CDH2: variants seen among roughly 807,000 people sequenced by gnomAD.
CDH2 encodes cadherin 2.
CDH2 carries 17 observed loss-of-function variants against 92.0 expected under a neutral mutation model. The observed-to-expected ratio is 0.18, with a 90% CI of 0.13 to 0.28. The LOEUF (loss-of-function observed/expected upper bound fraction) is 0.28, where lower values mean the gene tolerates loss of function less well. Among genes scored for constraint, CDH2 ranks in the 10% least tolerant of loss-of-function variants. CDH2 has a pLI of 1.00. For synonymous variants in CDH2, 419 were observed against 415.9 expected (o/e 1.01, Z -0.09); for missense variants, 862 against 1,133.1 (o/e 0.76, Z 3.44).
At chr18:28,106,509 T>C (rs1599105390) in intron 2 of CDH2, among the ~76,000 whole-genome samples, 1 of 151,818 alleles carries the variant, frequency 6.6e-6, no homozygotes, top group Admixed American at 6.6e-5. Context: ...GGATGGTTTG[T>C]CTTTATCATC....
chr18:28,045,281 C>A (rs2144115370), intron 2 of CDH2: 1 of 357,354 alleles, frequency 2.8e-6, no homozygotes, highest in Non-Finnish European at 5.5e-6. Context: ...CCTAACTGAG[C>A]TAGTTTGTCC....
intron 2 of CDH2, among the ~76,000 whole-genome samples, chr18:28,027,248 T>C (rs1252909490): frequency 6.6e-6 from 1 of 151,844 alleles, no homozygotes; most frequent in Admixed American, 6.6e-5. Context: ...AACAAGACAG[T>C]AAAATTAGGA....
intron 2 of CDH2, among the ~76,000 whole-genome samples, chr18:28,094,792 T>TG (rs765195383): frequency 6.1e-5 from 5 of 82,386 alleles, no homozygotes; most frequent in Non-Finnish European, 9.0e-5. Flanking sequence ...AGACTCTGTC[T>TG]AAAAAAAAAA....
rs772189650 is a variant in CDH2 at position 28,013,815 on chromosome 18, G to A, written c.267C>T (p.Ala89=). ...FKVDEDGMVY[A]VRSFPLSSEH... ...CAGAAGAGAGTGGAAAGCTTCTCAC[G>A]GCATACACCATGCCATCTTCATCCA... The change falls in exon 3 of 16, where the codon GCC becomes GCT. Residue 89 remains alanine (A), a synonymous_variant. Transcript: ENST00000269141. 16 of 1,613,660 alleles carry A rather than the reference G, an allele frequency of 9.9e-6. No individual in the cohort carries two copies. The highest frequency in any genetic ancestry group is 1.7e-5 in the Admixed American group (1 of 59,968).
intron 15 of CDH2, chr18:27,959,442 A>G (rs530135713): frequency 6.6e-6 from 1 of 152,332 alleles, no homozygotes; most frequent in South Asian, 2.1e-4. Context: ...GCTAAATCAA[A>G]TAAGACCTGC....
chr18:28,036,646 G>T, intron 2 of CDH2: 2 of 830,074 alleles, frequency 2.4e-6, no homozygotes, highest in Non-Finnish European at 3.9e-6. Flanking sequence ...CTTTTGAGCT[G>T]ACGGAAATGC....
At chr18:27,940,472 C>T (rs1598976009) in intron 6 of CDH2, among the ~76,000 whole-genome samples, 1 of 152,190 alleles carries the variant, frequency 6.6e-6, no homozygotes, top group East Asian at 1.9e-4. Context: ...TTCCACCTTC[C>T]TGGATGCCTC....
intron 2 of CDH2, among the ~76,000 whole-genome samples, chr18:28,096,144 T>C (rs183460328): frequency 2.6e-5 from 4 of 152,242 alleles, no homozygotes; most frequent in Non-Finnish European, 2.9e-5. Flanking sequence ...TATGTAAAAG[T>C]ACATATTACA....
intron 1 of CDH2, among the ~76,000 whole-genome samples, chr18:28,167,719 A>G (rs540646675): frequency 1.1e-4 from 17 of 152,244 alleles, no homozygotes; most frequent in South Asian, 2.1e-4. Context: ...ACTTCTATGT[A>G]TATTTTCCTG....
intron 14 of CDH2, among the ~76,000 whole-genome samples, chr18:27,981,227 T>C (rs532521611): frequency 1.6e-4 from 25 of 152,116 alleles, no homozygotes; most frequent in African/African-American, 6.0e-4. Flanking sequence ...GTATGCAAAA[T>C]TACACAAAAA....
intron 2 of CDH2, among the ~76,000 whole-genome samples, chr18:28,038,372 G>A (rs2144100520): frequency 6.6e-6 from 1 of 152,070 alleles, no homozygotes; most frequent in South Asian, 2.1e-4. Flanking sequence ...ACAGTGAGCT[G>A]TGATTGCATC....
chr18:28,130,906 A>T (rs2015757745), intron 2 of CDH2, among the ~76,000 whole-genome samples: 1 of 152,194 alleles, frequency 6.6e-6, no homozygotes, highest in African/African-American at 2.4e-5. Flanking sequence ...CCCTTGAAAA[A>T]GCAAAAGTTA....
At chr18:28,129,804 C>CAATT in intron 2 of CDH2, among the ~76,000 whole-genome samples, 1 of 152,044 alleles carries the variant, frequency 6.6e-6, no homozygotes, top group East Asian at 1.9e-4. Flanking sequence ...CTCCAAAAAT[C>CAATT]AATTAATTAA....
intron 2 of CDH2, among the ~76,000 whole-genome samples, chr18:28,135,392 A>G (rs979830232): frequency 6.6e-6 from 1 of 152,190 alleles, no homozygotes; most frequent in African/African-American, 2.4e-5. Context: ...ATAAATTATA[A>G]TTGTTGTTTG....
rs922422733 is a variant in CDH2, at chr18:28,011,731, A to T, written c.546+115T>A. 6.5e-5 allele frequency: 62 copies of T among 956,176 alleles called. No individual in the cohort carries two copies. The African/African-American group carries it at 9.5e-4, about 15-fold the overall frequency. The allele number at this position is 956,176 out of a possible 1,614,324, so 59.2% of individuals were successfully genotyped here. A position where few individuals can be genotyped will look rare whatever the true frequency, so the allele number is the denominator to read the frequency against. ...TACAGAAATTCTATCTTTATAGAAAAACACTTTTAGTATATACATGTCATA... is the reference window on the plus strand; with the variant it reads ...TACAGAAATTCTATCTTTATAGAAATACACTTTTAGTATATACATGTCATA... On this transcript the variant is annotated intron_variant, in intron 4 of 15. Transcript: ENST00000269141.
rs1054566408 is a variant in CDH2 at position 28,065,963 on chromosome 18, G to A, written c.173-52054C>T. Among the ~76,000 whole-genome samples the A allele has an allele frequency of 2.6e-5, 4 of 152,182 alleles. No individual in the cohort carries two copies. In the East Asian group the frequency reaches 7.7e-4, roughly 29 times the overall value. Reference sequence around the variant, plus strand: ...ATATGTACCAATTCTGACAAAGAAAGCATCCTGGAGCTTTCTAGTGGAGGT... The same window carrying A: ...ATATGTACCAATTCTGACAAAGAAAACATCCTGGAGCTTTCTAGTGGAGGT... On this transcript the variant is annotated intron_variant, in intron 2 of 15. Transcript: ENST00000269141.
At chr18:28,127,676 GA>G (rs146955953) in intron 2 of CDH2, among the ~76,000 whole-genome samples, 28 of 151,878 alleles carry the variant, frequency 1.8e-4, no homozygotes, top group Admixed American at 1.8e-3. Context: ...AACTACATCA[GA>G]AAAAAACAGA....
At chr18:28,139,172 A>G (rs2144311821) in intron 2 of CDH2, among the ~76,000 whole-genome samples, 1 of 152,238 alleles carries the variant, frequency 6.6e-6, no homozygotes, top group South Asian at 2.1e-4. Flanking sequence ...ATGCAGGTAC[A>G]TAAAAACATC....
chr18:28,043,470 AT>A (rs2013995947), intron 2 of CDH2, among the ~76,000 whole-genome samples: 12 of 59,896 alleles, frequency 2.0e-4, no homozygotes, highest in Non-Finnish European at 3.0e-4. Flanking sequence ...AAATATATAT[AT>A]ATATATATAT....
Sources: allele counts gnomAD v4.1 joint callset (sites outside exome capture counted in the v4.1 genomes callset), GRCh38; gene constraint gnomAD v4.1.1; transcripts MANE v1.5; gene names NCBI Gene and HGNC (gene_info 2026-07-23, HGNC 2026-07-21).